Variants in CRYBG1 observed in about 807,000 individuals in gnomAD.
CRYBG1 encodes the protein crystallin beta-gamma domain containing 1.
CRYBG1 carries 139 observed loss-of-function variants against 189.2 expected under a neutral mutation model. The ratio of observed to expected loss-of-function variants is 0.73; its 90% CI spans 0.64 to 0.85. CRYBG1 has a LOEUF of 0.85. Ranked by LOEUF, CRYBG1 falls within the 40% of genes least tolerant of loss-of-function variation. The pLI is 0.00. For missense variants in CRYBG1, 2,611 were observed against 2,675.8 expected (o/e 0.98, Z 0.53); for synonymous variants, 1,023 against 1,017.1 (o/e 1.01, Z -0.11).
intron 7 of CRYBG1, 48 bp downstream of exon 7, chr6:106,527,518 G>A: frequency 6.4e-7 from 1 of 1,553,442 alleles, no homozygotes; most frequent in Non-Finnish European, 8.7e-7. Flanking sequence ...AATATTTATG[G>A]ATTCTTACTT....
At chr6:106,454,125 CCT>C (rs1429143988) in intron 2 of CRYBG1, among the ~76,000 whole-genome samples, 3 of 152,124 alleles carry the variant, frequency 2.0e-5, no homozygotes, top group Non-Finnish European at 2.9e-5. Flanking sequence ...CTGTTGTCTC[CCT>C]CTCTCCCCAT....
chr6:106,564,222 T>G lies in CRYBG1; in HGVS notation c.6301+296T>G, dbSNP rs558566382. Among the ~76,000 whole-genome samples, 7 of 152,302 alleles carry G rather than the reference T, an allele frequency of 4.6e-5. No homozygotes were observed. The South Asian group carries it at 1.5e-3, about 32-fold the overall frequency. ...GGAAGCTCAAAGGGGTTGGCCAGTT[T>G]GGCCACAATCTCACAGCTGTAACTG... On this transcript the variant is annotated intron_variant, in intron 21 of 21. Transcript: ENST00000633556.
At position 106,369,500 on chromosome 6, in the gene CRYBG1, A is replaced by G. The variant is rs530301091; in HGVS notation, c.173+8419A>G. On this transcript the variant is annotated intron_variant, in intron 1 of 21. Coordinates refer to ENST00000633556, the MANE Select transcript of CRYBG1 (RefSeq NM_001371242.2). Reference sequence around the variant, plus strand: ...AATATGAGATTTGGCCAACAGTTACATAAAGTCACCATGCAGAGTACACCT... The same window carrying G: ...AATATGAGATTTGGCCAACAGTTACGTAAAGTCACCATGCAGAGTACACCT... Among the ~76,000 whole-genome samples the G allele has an allele frequency of 3.0e-3, 459 of 152,352 alleles. 1 individual carries two copies. Among genetic ancestry groups the G allele is most frequent in the Non-Finnish European group, 4.9e-3 (330 of 68,038 alleles).
At chr6:106,518,341 G>A (rs929680509) in intron 3 of CRYBG1, among the ~76,000 whole-genome samples, 5 of 151,950 alleles carry the variant, frequency 3.3e-5, no homozygotes, top group African/African-American at 9.7e-5. Flanking sequence ...TATCCAAAGC[G>A]GTCAATAGTA....
Position 106,521,123 on chromosome 6 carries a change from C to A in CRYBG1, c.3915C>A (p.Pro1305=). 1.9e-6 allele frequency: 3 copies of A among 1,614,082 alleles called. No homozygotes were observed. Among genetic ancestry groups the A allele is most frequent in the Non-Finnish European group, 2.5e-6 (3 of 1,180,026 alleles). ...GLNKEQSNLL[P]DNSLKVFNFN... is the part of the protein sequence containing the mutation. ...ACAAAGAACAGTCAAATCTTCTGCC[C>A]GACAACTCCTTAAAGGTCTTCAATT... is the stretch of plus-strand genomic sequence containing the variant. Residue 1305 remains proline, a synonymous_variant, in exon 4 of 22, where the codon CCC becomes CCA. Coordinates refer to ENST00000633556, the MANE Select transcript of CRYBG1 (RefSeq NM_001371242.2).
At chr6:106,482,181 T>C (rs200570461) in intron 2 of CRYBG1, among the ~76,000 whole-genome samples, 13,798 of 139,220 alleles carry the variant, frequency 0.099, no homozygotes, top group East Asian at 0.17. Flanking sequence ...CTCCTTGAAG[T>C]TGTAGAACTC....
At chr6:106,482,429 G>A (rs78626917) in intron 2 of CRYBG1, among the ~76,000 whole-genome samples, 17,710 of 135,092 alleles carry the variant, frequency 0.13, 1,188 homozygotes, top group East Asian at 0.16. Flanking sequence ...CCTGTAAAGG[G>A]ATGGAATTAC....
chr6:106,462,162 T>G (rs1341295532), intron 2 of CRYBG1, among the ~76,000 whole-genome samples: 2 of 151,958 alleles, frequency 1.3e-5, no homozygotes, highest in Non-Finnish European at 2.9e-5. Flanking sequence ...TTGTTTTTTG[T>G]TTTTTTGTTT....
chr6:106,465,180 C>T (rs373227360), intron 2 of CRYBG1, among the ~76,000 whole-genome samples: 4 of 152,314 alleles, frequency 2.6e-5, no homozygotes, highest in African/African-American at 9.6e-5. Flanking sequence ...TACATCTCTT[C>T]TCCACGTGAC....
At position 106,536,245 on chromosome 6, in the gene CRYBG1, G is replaced by A. The variant is rs783402; in HGVS notation, c.4719-3158G>A. On this transcript the variant is annotated intron_variant, in intron 8 of 21. Coordinates refer to ENST00000633556, the MANE Select transcript of CRYBG1 (RefSeq NM_001371242.2). Reference sequence around the variant, plus strand: ...GGTTCAGGCCAAACAGTTTTGGCACGGATACTTCATATAGATAGTGCCATA... The same window carrying A: ...GGTTCAGGCCAAACAGTTTTGGCACAGATACTTCATATAGATAGTGCCATA... Among the ~76,000 whole-genome samples, 9 of 152,162 alleles carry A rather than the reference G, an allele frequency of 5.9e-5. 1 individual carries two copies. The South Asian group carries it at 8.3e-4, about 14-fold the overall frequency.
At chr6:106,462,125 CTT>C (rs199802196) in intron 2 of CRYBG1, among the ~76,000 whole-genome samples, 1 of 151,816 alleles carries the variant, frequency 6.6e-6, no homozygotes, top group African/African-American at 2.4e-5. Context: ...TTTAGCTATT[CTT>C]TTTTTTCTGA....
chr6:106,493,913 A>G (rs1328746690), intron 2 of CRYBG1, among the ~76,000 whole-genome samples: 1 of 152,208 alleles, frequency 6.6e-6, no homozygotes, highest in Non-Finnish European at 1.5e-5. Context: ...ACGTTTACCC[A>G]TGTAACAAAC....
intron 6 of CRYBG1, among the ~76,000 whole-genome samples, chr6:106,526,960 G>C (rs900493008): frequency 9.2e-6 from 1 of 109,242 alleles, no homozygotes; most frequent in African/African-American, 3.3e-5. Flanking sequence ...AAAAAAAAAA[G>C]AGACAAAAAA....
At chr6:106,487,256 T>C (rs1390898089) in intron 2 of CRYBG1, among the ~76,000 whole-genome samples, 1 of 152,218 alleles carries the variant, frequency 6.6e-6, no homozygotes, top group African/African-American at 2.4e-5. Context: ...ATGTGTTCTT[T>C]AGCCACTTAA....
chr6:106,505,524 T>TA (rs778991242), intron 2 of CRYBG1, among the ~76,000 whole-genome samples: 83 of 152,250 alleles, frequency 5.5e-4, no homozygotes, highest in Non-Finnish European at 8.8e-4. Context: ...CCACCATGCC[T>TA]GGCCTTGTTT....
intron 2 of CRYBG1, among the ~76,000 whole-genome samples, chr6:106,508,096 A>G (rs940535494): frequency 2.0e-5 from 3 of 152,224 alleles, no homozygotes; most frequent in African/African-American, 7.2e-5. Flanking sequence ...GTTAAAAATT[A>G]GCTGGGCATG....
At chr6:106,496,175 G>A (rs904819753) in intron 2 of CRYBG1, among the ~76,000 whole-genome samples, 1 of 152,164 alleles carries the variant, frequency 6.6e-6, no homozygotes, top group African/African-American at 2.4e-5. Context: ...TTAAGAAGTG[G>A]TTGGGATTAA....
At chr6:106,414,137 C>A (rs569720917) in intron 1 of CRYBG1, among the ~76,000 whole-genome samples, 10 of 152,180 alleles carry the variant, frequency 6.6e-5, no homozygotes, top group African/African-American at 2.4e-4. Context: ...TTCTGTTGTG[C>A]GAGCCCCTTT....
intron 1 of CRYBG1, among the ~76,000 whole-genome samples, chr6:106,372,408 C>T (rs897840465): frequency 6.6e-6 from 1 of 152,128 alleles, no homozygotes; most frequent in Non-Finnish European, 1.5e-5. Flanking sequence ...CGTGCCATCA[C>T]ACCCAGCTAA....
Sources: allele counts gnomAD v4.1 joint callset (sites outside exome capture counted in the v4.1 genomes callset), GRCh38; gene constraint gnomAD v4.1.1; transcripts MANE v1.5; gene names NCBI Gene and HGNC (gene_info 2026-07-23, HGNC 2026-07-21).